Variants in SPRR2G observed in about 807,000 individuals in gnomAD.
SPRR2G encodes the protein small proline-rich protein 2G.
Under a neutral mutation model 0.7 loss-of-function variants are expected in SPRR2G, and 1 was observed. The ratio of observed to expected loss-of-function variants is 1.49; its 90% CI spans 0.53 to 7.06. The LOEUF (loss-of-function observed/expected upper bound fraction) is 7.06, where lower values mean the gene tolerates loss of function less well. Among genes scored for constraint, SPRR2G ranks in the 30% most tolerant of loss-of-function variants. SPRR2G has a pLI of 0.14. For missense variants in SPRR2G, 96 were observed against 88.5 expected, an observed-to-expected ratio of 1.09 and a Z score of -0.34; for synonymous variants, 38 against 33.9, an observed-to-expected ratio of 1.12 and a Z score of -0.42.
chr1:153,164,559 A>G, the SPRR2G span, among the ~76,000 whole-genome samples: 3 of 152,204 alleles, frequency 2.0e-5, no homozygotes, highest in Admixed American at 2.0e-4. Flanking sequence ...ACCCTCCCAT[A>G]GATACCAAAA....
chr1:153,199,875 A>G, the SPRR2G span, among the ~76,000 whole-genome samples: 1 of 152,198 alleles, frequency 6.6e-6, no homozygotes, highest in South Asian at 2.1e-4. Context: ...AGAGGCATCA[A>G]GAGAAGAAAT....
chr1:153,160,635 T>C, the SPRR2G span, among the ~76,000 whole-genome samples: 1 of 151,864 alleles, frequency 6.6e-6, no homozygotes, highest in African/African-American at 2.4e-5. Flanking sequence ...ACTTTTACAC[T>C]GTTGGTGGGA....
chr1:153,175,096 A>G, the SPRR2G span, among the ~76,000 whole-genome samples: 1 of 152,142 alleles, frequency 6.6e-6, no homozygotes, highest in Non-Finnish European at 1.5e-5. Context: ...GAGCTTAACA[A>G]TTCCACCTGA....
Position 153,149,937 on chromosome 1 carries a change from C to T in SPRR2G, c.174G>A (p.Val58=). 6.2e-7 allele frequency: 1 copy of T among 1,614,052 alleles called. No homozygotes were observed. Among genetic ancestry groups the T allele is most frequent in the Non-Finnish European group, 8.5e-7 (1 of 1,180,014 alleles). The change falls in exon 2 of 2, where the codon GTG becomes GTA. Residue 58 remains valine, a synonymous_variant. Transcript: ENST00000368748. ...TCTGCTGGCAGGGTGGGTATGGTTG[C>T]ACAGGAGGGCATTTATCCTGGCATG... ...PPPCQDKCPP[V]QPYPPCQQKY...
the SPRR2G span, among the ~76,000 whole-genome samples, chr1:153,168,904 ATGTGTG>A: frequency 0.063 from 9,275 of 148,144 alleles, 441 homozygotes; most frequent in Middle Eastern, 0.14. Context: ...TCATGAGTGT[ATGTGTG>A]TGTGTGTGTG....
chr1:153,193,641 C>T, the SPRR2G span, among the ~76,000 whole-genome samples: 1 of 152,010 alleles, frequency 6.6e-6, no homozygotes, highest in African/African-American at 2.4e-5. Context: ...GGGGTGGGGG[C>T]ATATGAAAGA....
upstream of SPRR2G, among the ~76,000 whole-genome samples, chr1:153,154,333 A>T (rs190754688): frequency 4.1e-3 from 626 of 152,078 alleles, 6 homozygotes; most frequent in Middle Eastern, 0.02. Flanking sequence ...TAATGTTCTT[A>T]TCTGGCTTTG....
At chr1:153,176,905 A>G in the SPRR2G span, among the ~76,000 whole-genome samples, 18 of 152,282 alleles carry the variant, frequency 1.2e-4, no homozygotes, top group African/African-American at 4.1e-4. Flanking sequence ...TAGAAACCAT[A>G]ATCCTATCAT....
At chr1:153,183,138 G>A in the SPRR2G span, among the ~76,000 whole-genome samples, 596 of 147,710 alleles carry the variant, frequency 4.0e-3, 8 homozygotes, top group African/African-American at 0.013. Context: ...GCATGATCTC[G>A]GCTCACCACA....
the SPRR2G span, among the ~76,000 whole-genome samples, chr1:153,187,993 G>T: frequency 6.6e-6 from 1 of 152,180 alleles, no homozygotes; most frequent in Admixed American, 6.5e-5. Context: ...TTTGCTGGAG[G>T]TCCACTCCAG....
At chr1:153,169,548 G>T in the SPRR2G span, among the ~76,000 whole-genome samples, 797 of 139,790 alleles carry the variant, frequency 5.7e-3, 10 homozygotes, top group Middle Eastern at 0.022. Flanking sequence ...TCTGGCAACA[G>T]ACCCAGACTC....
the SPRR2G span, among the ~76,000 whole-genome samples, chr1:153,188,494 G>A: frequency 9.9e-5 from 15 of 152,186 alleles, no homozygotes; most frequent in East Asian, 2.3e-3. Context: ...AAGGGGAAAC[G>A]GCCTACTCAA....
upstream of SPRR2G, among the ~76,000 whole-genome samples, chr1:153,154,637 T>C (rs1427199513): frequency 6.6e-6 from 1 of 152,190 alleles, no homozygotes; most frequent in East Asian, 1.9e-4. Context: ...AATTTATTGC[T>C]ATATAGTTGT....
At chr1:153,164,867 A>G in the SPRR2G span, among the ~76,000 whole-genome samples, 1 of 152,196 alleles carries the variant, frequency 6.6e-6, no homozygotes, top group South Asian at 2.1e-4. Flanking sequence ...TAAGGAACCT[A>G]TAAACTCTCC....
chr1:153,172,443 C>A, the SPRR2G span, among the ~76,000 whole-genome samples: 3 of 152,130 alleles, frequency 2.0e-5, no homozygotes, highest in Admixed American at 6.5e-5. Flanking sequence ...ATCCTTCCCC[C>A]ACTCAAGAGT....
chr1:153,159,675 C>T, the SPRR2G span, among the ~76,000 whole-genome samples: 6 of 152,198 alleles, frequency 3.9e-5, no homozygotes, highest in African/African-American at 1.4e-4. Flanking sequence ...TTAATTGACT[C>T]ACAGTTTTGC....
chr1:153,164,527 T>A, the SPRR2G span, among the ~76,000 whole-genome samples: 980 of 152,310 alleles, frequency 6.4e-3, 12 homozygotes, highest in African/African-American at 0.023. Flanking sequence ...TCCCTCAGTA[T>A]CCATGGGAGA....
chr1:153,166,927 A>G, the SPRR2G span, among the ~76,000 whole-genome samples: 1 of 152,034 alleles, frequency 6.6e-6, no homozygotes, highest in Non-Finnish European at 1.5e-5. Context: ...AAAAGTGTTT[A>G]GGAAAAAAAA....
At chr1:153,172,493 G>T in the SPRR2G span, among the ~76,000 whole-genome samples, 1 of 151,982 alleles carries the variant, frequency 6.6e-6, no homozygotes, top group Non-Finnish European at 1.5e-5. Context: ...TCCTTTGGCT[G>T]CCCCCACAGA....
Sources: allele counts gnomAD v4.1 joint callset (sites outside exome capture counted in the v4.1 genomes callset), GRCh38; gene constraint gnomAD v4.1.1; transcripts MANE v1.5; gene names NCBI Gene and HGNC (gene_info 2026-07-23, HGNC 2026-07-21).